RIMBP2: variants seen among roughly 807,000 people sequenced by gnomAD.
RIMBP2 encodes the protein RIMS-binding protein 2.
In RIMBP2, 48 loss-of-function variants were observed where a neutral mutation model predicts 118.6. The ratio of observed to expected loss-of-function variants is 0.40; its 90% CI spans 0.32 to 0.51. The LOEUF is 0.51. Among genes scored for constraint, RIMBP2 ranks in the 20% least tolerant of loss-of-function variants. The probability of loss-of-function intolerance (pLI) is 0.41; values close to 1 mark genes in which losing one functional copy is unlikely to be tolerated. For missense variants in RIMBP2, 1,551 were observed against 1,768.3 expected (o/e 0.88, Z 2.20); for synonymous variants, 762 against 742.9 (o/e 1.03, Z -0.42).
chr12:130,452,067 T>C (rs1162738115), intron 7 of RIMBP2, among the ~76,000 whole-genome samples: 3 of 152,184 alleles, frequency 2.0e-5, no homozygotes, highest in Non-Finnish European at 4.4e-5. Flanking sequence ...TGACTAACGC[T>C]GGCCTGGGTG....
rs1057164480 is a variant in RIMBP2, at chr12:130,639,001, T to C, written c.-351-10545A>G. 5.9e-5 allele frequency among the ~76,000 whole-genome samples: 9 copies of C among 152,258 alleles called. 1 individual carries two copies. The South Asian group carries it at 1.9e-3, about 32-fold the overall frequency. ...AACTGAAACAAATGTACCATAGTAA[T>C]AATAGGGGAAACTGTGGGGTCAGGA... On this transcript the variant is annotated intron_variant, in intron 1 of 22. Transcript: ENST00000690449.
intron 12 of RIMBP2, 70 bp from the exon 13 acceptor site, chr12:130,437,361 C>T: frequency 7.6e-7 from 1 of 1,318,724 alleles, no homozygotes; most frequent in East Asian, 2.5e-5. Context: ...GGGGAGCCGA[C>T]CAGTCCTCTG....
intron 2 of RIMBP2, among the ~76,000 whole-genome samples, chr12:130,550,081 C>T (rs2055591541): frequency 6.6e-6 from 1 of 152,156 alleles, no homozygotes; most frequent in Non-Finnish European, 1.5e-5. Flanking sequence ...TCACTGAGTA[C>T]ACGCTGTTGA....
intron 2 of RIMBP2, among the ~76,000 whole-genome samples, chr12:130,590,861 T>C (rs7968655): frequency 0.82 from 124,220 of 152,132 alleles, 50,808 homozygotes; most frequent in South Asian, 0.88. Context: ...GTCACCCGGA[T>C]GGCTGGCTGG....
At chr12:130,494,558 G>T (rs1396178295) in intron 4 of RIMBP2, among the ~76,000 whole-genome samples, 4 of 151,498 alleles carry the variant, frequency 2.6e-5, no homozygotes, top group Non-Finnish European at 5.9e-5. Flanking sequence ...AGAATCGCTT[G>T]AACCCAGGAG....
intron 1 of RIMBP2, among the ~76,000 whole-genome samples, chr12:130,713,564 G>A (rs1400875370): frequency 1.3e-5 from 2 of 152,232 alleles, no homozygotes; most frequent in Non-Finnish European, 2.9e-5. Flanking sequence ...AGAGTTTTCT[G>A]GAATCAGCAG....
chr12:130,650,080 T>C (rs1331620512), intron 1 of RIMBP2, among the ~76,000 whole-genome samples: 6 of 150,146 alleles, frequency 4.0e-5, no homozygotes, highest in Non-Finnish European at 5.9e-5. Flanking sequence ...GGGTGAACCC[T>C]CGGGGAGACG....
At chr12:130,592,928 C>G (rs750071155) in intron 2 of RIMBP2, among the ~76,000 whole-genome samples, 29 of 152,154 alleles carry the variant, frequency 1.9e-4, no homozygotes, top group Non-Finnish European at 2.9e-5. Context: ...CCCTTCTGGC[C>G]TCATCTTCCA....
chr12:130,545,345 C>T (rs141183031), intron 2 of RIMBP2, among the ~76,000 whole-genome samples: 3 of 151,788 alleles, frequency 2.0e-5, no homozygotes, highest in East Asian at 1.9e-4. Context: ...GTGTGCCCTA[C>T]GTGTAAAGCA....
rs1217871262 is a variant in RIMBP2, at chr12:130,523,020, A to G, written c.-216-5103T>C. ...AGTTTTTCTTTCTGCCTCTATGTCT[A>G]TCTCTCTGTTCATTTTTCTGGCTCT... On this transcript the variant is annotated intron_variant, in intron 2 of 22. Transcript: ENST00000690449. This position sits in a 1 kb window ranked among gnomAD's most constrained non-coding sequence, Gnocchi z 4.4. Among the ~76,000 whole-genome samples the G allele has an allele frequency of 6.6e-6, 1 of 150,510 alleles. No individual in the cohort carries two copies. Among genetic ancestry groups the G allele is most frequent in the East Asian group, 2.0e-4 (1 of 5,122 alleles).
intron 2 of RIMBP2, among the ~76,000 whole-genome samples, chr12:130,531,611 T>C (rs1210406628): frequency 6.6e-6 from 1 of 152,232 alleles, no homozygotes; most frequent in Non-Finnish European, 1.5e-5. Flanking sequence ...CCATTAAAAA[T>C]AATGCTGCAA....
chr12:130,671,184 G>C (rs58513144), intron 1 of RIMBP2, among the ~76,000 whole-genome samples: 2,417 of 151,292 alleles, frequency 0.016, 61 homozygotes, highest in African/African-American at 0.056. Flanking sequence ...GTGACCTTGA[G>C]GGGGCAAAAA....
chr12:130,414,244 C>T lies in RIMBP2; in HGVS notation c.3301G>A (p.Ala1101Thr), dbSNP rs1468496658. 4.3e-6 allele frequency: 7 copies of T among 1,613,810 alleles called. No individual in the cohort carries two copies. Among genetic ancestry groups the T allele is most frequent in the Admixed American group, 1.7e-5 (1 of 59,988 alleles). ...FYEESETDPG[A>T]EELPARIFVA... ...AAGATCCGGGCCGGGAGCTCTTCGG[C>T]ACCAGGGTCAGTTTCTGACTCTTCA... is the stretch of plus-strand genomic sequence containing the variant. The change falls in exon 18 of 23, where the codon GCC (alanine) becomes ACC (threonine). Residue 1101 changes from alanine to threonine, a missense_variant. By Grantham distance (58) the Ala-to-Thr change is moderately conservative. Coordinates refer to ENST00000690449, the MANE Select transcript of RIMBP2 (RefSeq NM_001393629.1).
intron 3 of RIMBP2, among the ~76,000 whole-genome samples, chr12:130,516,651 G>T (rs1261723155): frequency 6.6e-6 from 1 of 152,232 alleles, no homozygotes; most frequent in Non-Finnish European, 1.5e-5. Flanking sequence ...AGATGATGGA[G>T]TGGAGTGTTC....
chr12:130,580,028 C>CAAA (rs55653381), intron 2 of RIMBP2, among the ~76,000 whole-genome samples: 1,830 of 116,462 alleles, frequency 0.016, 49 homozygotes, highest in Non-Finnish European at 0.019. Flanking sequence ...ACCAAAAATA[C>CAAA]AAAAAAAAAA....
At chr12:130,606,263 G>A (rs1402487784) in intron 2 of RIMBP2, among the ~76,000 whole-genome samples, 2 of 152,162 alleles carry the variant, frequency 1.3e-5, no homozygotes, top group Admixed American at 1.3e-4. Flanking sequence ...ATGTTTCTGA[G>A]AAAAAACGTT....
chr12:130,645,175 C>T (rs564204785), intron 1 of RIMBP2, among the ~76,000 whole-genome samples: 43 of 151,994 alleles, frequency 2.8e-4, no homozygotes, highest in Middle Eastern at 6.8e-3. Flanking sequence ...CTGCAGCCTC[C>T]GTCCACCTCC....
chr12:130,583,922 C>T (rs558758677), intron 2 of RIMBP2, among the ~76,000 whole-genome samples: 15 of 148,748 alleles, frequency 1.0e-4, no homozygotes, highest in African/African-American at 3.7e-4. Flanking sequence ...TTCATCACTA[C>T]CATTATATCA....
chr12:130,701,891 C>G (rs1429312919), intron 1 of RIMBP2, among the ~76,000 whole-genome samples: 1 of 152,130 alleles, frequency 6.6e-6, no homozygotes, highest in East Asian at 1.9e-4. Context: ...CTTCACCCCG[C>G]TGGAGGTACA....
Sources: allele counts gnomAD v4.1 joint callset (sites outside exome capture counted in the v4.1 genomes callset), GRCh38; gene constraint gnomAD v4.1.1; non-coding constraint Gnocchi (gnomAD v3.1); transcripts MANE v1.5; gene names NCBI Gene and HGNC (gene_info 2026-07-23, HGNC 2026-07-21).